FBXL16: variants seen among roughly 807,000 people sequenced by gnomAD.
The protein encoded by FBXL16 is F-box and leucine rich repeat protein 16, also known as F-box/LRR-repeat protein 16.
A neutral mutation model predicts 36.7 loss-of-function variants in FBXL16; 7 were observed. That is an observed-to-expected ratio of 0.19 (90% CI 0.11 to 0.36). FBXL16 has a LOEUF of 0.36. Among genes scored for constraint, FBXL16 ranks in the 10% least tolerant of loss-of-function variants. The pLI is 1.00. For synonymous variants in FBXL16, 355 were observed against 308.7 expected (o/e 1.15, Z -1.57); for missense variants, 463 against 659.4 (o/e 0.70, Z 3.26).
Position 694,481 on chromosome 16 carries a change from G to A in FBXL16, c.1292-58C>T, listed in dbSNP as rs1474272557. On this transcript the variant is annotated intron_variant, in intron 5 of 5. Coordinates refer to ENST00000397621, the MANE Select transcript of FBXL16 (RefSeq NM_153350.4). ...GCGGCCCAGGGCTCGGGCGGGGACG[G>A]CCGGGCCGCGCCTCCCTCCTCCTCC... 15 of 1,494,510 alleles carry A rather than the reference G, an allele frequency of 1.0e-5. No homozygotes were observed. In the East Asian group the frequency reaches 1.0e-4, roughly 10 times the overall value. The allele number at this position is 1,494,510 out of a possible 1,614,324, so 92.6% of individuals were successfully genotyped here. A position where few individuals can be genotyped will look rare whatever the true frequency, so the allele number is the denominator to read the frequency against.
In FBXL16 at chr16:695,410, C is replaced by A. The variant is rs745400257; in HGVS notation, c.1142+5G>T. On this transcript the variant is annotated splice_donor_5th_base_variant and intron_variant, in intron 3 of 5. Coordinates refer to ENST00000397621, the MANE Select transcript of FBXL16 (RefSeq NM_153350.4). ...CCCCGCCCGGCGCGGCCCGGGGGCGCGCACCTGTCGAGCACGAGCTCCTCT... is the reference window on the plus strand; with the variant it reads ...CCCCGCCCGGCGCGGCCCGGGGGCGAGCACCTGTCGAGCACGAGCTCCTCT... 5.2e-6 allele frequency: 8 copies of A among 1,526,968 alleles called. No individual in the cohort carries two copies. In the South Asian group the frequency reaches 9.6e-5, roughly 18 times the overall value. The allele number at this position is 1,526,968 out of a possible 1,614,324, so 94.6% of individuals were successfully genotyped here.
At chr16:703,262 C>T (rs761076586) in intron 1 of FBXL16, among the ~76,000 whole-genome samples, 5 of 152,168 alleles carry the variant, frequency 3.3e-5, no homozygotes, top group Non-Finnish European at 5.9e-5. Context: ...GGCTGCACAC[C>T]GCGTGCCCAC....
At position 692,887 on chromosome 16, in the gene FBXL16, A is replaced by C. The variant is rs1242160665; in HGVS notation, c.*1388T>G. On this transcript the variant is annotated 3_prime_UTR_variant, in exon 6 of 6. Transcript: ENST00000397621. ...GTTGATCTGTTTCTGATTCAACAGC[A>C]TCTCTCTCTCTCTTTCTCTCTCTCT... 6.6e-6 allele frequency: 1 copy of C among 152,046 alleles called. No homozygotes were observed. Among genetic ancestry groups the C allele is most frequent in the Non-Finnish European group, 1.5e-5 (1 of 67,940 alleles). 9.4% of individuals were successfully genotyped at this position (152,046 alleles called of 1,614,324 possible). A position where few individuals can be genotyped will look rare whatever the true frequency, so the allele number is the denominator to read the frequency against.
intron 2 of FBXL16, among the ~76,000 whole-genome samples, chr16:696,288 C>T (rs1479521818): frequency 6.6e-6 from 1 of 152,022 alleles, no homozygotes; most frequent in Non-Finnish European, 1.5e-5. Flanking sequence ...GAGCCTTACT[C>T]TGTTGCCCAG....
At chr16:694,740 C>G (rs377317985) in intron 4 of FBXL16, 43 bp from the exon 5 acceptor site, 7 of 1,560,780 alleles carry the variant, frequency 4.5e-6, no homozygotes, top group African/African-American at 1.4e-5. Flanking sequence ...CCGCTCGCAC[C>G]GAGGCGGAGG....
intron 3 of FBXL16, 85 bp downstream of exon 3, chr16:695,330 C>T (rs940567879): frequency 7.4e-6 from 8 of 1,082,964 alleles, no homozygotes; most frequent in East Asian, 7.4e-5. Context: ...AGCCCCCGCC[C>T]CCGGCCCCGT....
At chr16:704,731 C>T (rs529869703) in intron 1 of FBXL16, among the ~76,000 whole-genome samples, 32 of 152,334 alleles carry the variant, frequency 2.1e-4, no homozygotes, top group African/African-American at 7.5e-4. Flanking sequence ...AAGGAAGAGG[C>T]AGGTGAGGTG....
intron 1 of FBXL16, among the ~76,000 whole-genome samples, chr16:698,991 A>G (rs1270448518): frequency 6.6e-6 from 1 of 152,106 alleles, no homozygotes; most frequent in East Asian, 1.9e-4. Flanking sequence ...CCATGCAAAG[A>G]AAGGGCGGGC....
rs2039979099 is a variant in FBXL16, at chr16:692,576, T to C, written c.*1699A>G. 1 of 152,464 alleles carries C rather than the reference T, an allele frequency of 6.6e-6. No homozygotes were observed. The highest frequency in any genetic ancestry group is 6.5e-5 in the Admixed American group (1 of 15,282). The allele number at this position is 152,464 out of a possible 1,614,324, so 9.4% of individuals were successfully genotyped here. A position where few individuals can be genotyped will look rare whatever the true frequency, so the allele number is the denominator to read the frequency against. ...AATAGCACAAGAAACACTTACCAAA[T>C]ATAAGGTTATATCTTCCGCATATAC... On this transcript the variant is annotated 3_prime_UTR_variant, in exon 6 of 6. Coordinates refer to ENST00000397621, the MANE Select transcript of FBXL16 (RefSeq NM_153350.4).
At chr16:700,348 G>C (rs142658707) in intron 1 of FBXL16, among the ~76,000 whole-genome samples, 18 of 152,308 alleles carry the variant, frequency 1.2e-4, no homozygotes, top group Non-Finnish European at 2.1e-4. Context: ...GCCCTCCACA[G>C]AGGAGGCACC....
In FBXL16 at chr16:696,959, C is replaced by T; in HGVS notation, c.447G>A (p.Val149=). The change falls in exon 2 of 6, where the codon GTG becomes GTA. Residue 149 remains valine (V), a synonymous_variant. Coordinates refer to ENST00000397621, the MANE Select transcript of FBXL16 (RefSeq NM_153350.4). ...PVLHAKELYN[V]LPGGEKEFVN... ...CGAACTCCTTCTCGCCACCAGGCAG[C>T]ACGTTGTAGAGCTCCTTGGCATGCA... 6.2e-7 allele frequency: 1 copy of T among 1,602,228 alleles called. No homozygotes were observed. Among genetic ancestry groups the T allele is most frequent in the Non-Finnish European group, 8.5e-7 (1 of 1,175,636 alleles).
chr16:696,169 G>C (rs776859094), intron 2 of FBXL16: 1 of 482,884 alleles, frequency 2.1e-6, no homozygotes, highest in Non-Finnish European at 3.6e-6. Flanking sequence ...TACTCCTGGG[G>C]GATCCTTTCC....
At position 695,966 on chromosome 16, in the gene FBXL16, G is replaced by A. The variant is rs777513857; in HGVS notation, c.634-43C>T. Reference sequence around the variant, plus strand: ...CCGGGTCAGGATTGCAGGAGAAGGGGTGGAGCCCGCAGGGAGGAAGCAGTA... The same window carrying A: ...CCGGGTCAGGATTGCAGGAGAAGGGATGGAGCCCGCAGGGAGGAAGCAGTA... On this transcript the variant is annotated intron_variant, in intron 2 of 5. Transcript: ENST00000397621. 4 of 1,541,536 alleles carry A rather than the reference G, an allele frequency of 2.6e-6. No individual in the cohort carries two copies. The South Asian group carries it at 3.7e-5, about 14-fold the overall frequency.
In FBXL16 at chr16:695,672, G is replaced by A. The variant is rs765301732; in HGVS notation, c.885C>T (p.Ser295=). The part of the protein sequence containing the change: ...LAYFTARQGH[S]THTLRLLSCW... ...AGGAGAGCAGGCGCAGCGTGTGCGT[G>A]CTGTGGCCCTGGCGCGCCGTGAAGT... Residue 295 remains serine, a synonymous_variant, in exon 3 of 6, where the codon AGC becomes AGT. Coordinates refer to ENST00000397621, the MANE Select transcript of FBXL16 (RefSeq NM_153350.4). The A allele has an allele frequency of 2.2e-5, 35 of 1,606,226 alleles. No individual in the cohort carries two copies. In the South Asian group the frequency reaches 3.6e-4, roughly 17 times the overall value.
rs559686121 is a variant in FBXL16, at chr16:693,340, G to A, written c.*935C>T. ...GGAGACCCACCCAGGGTGAAGCTCG[G>A]TGCCCAGGCCTGAACTGAGCCCGGC... On this transcript the variant is annotated 3_prime_UTR_variant, in exon 6 of 6. Transcript: ENST00000397621. 1 of 152,554 alleles carries A rather than the reference G, an allele frequency of 6.6e-6. No individual in the cohort carries two copies. Among genetic ancestry groups the A allele is most frequent in the South Asian group, 2.1e-4 (1 of 4,836 alleles). The allele number at this position is 152,554 out of a possible 1,614,324, so 9.5% of individuals were successfully genotyped here.
At chr16:702,449 C>T (rs2040064479) in intron 1 of FBXL16, among the ~76,000 whole-genome samples, 1 of 152,250 alleles carries the variant, frequency 6.6e-6, no homozygotes, top group Non-Finnish European at 1.5e-5. Context: ...TGTCTCTCCT[C>T]CTGGCCTGAG....
At position 704,046 on chromosome 16, in the gene FBXL16, G is replaced by C. The variant is rs560939400; in HGVS notation, c.-15+1466C>G. The stretch of plus-strand genomic sequence containing the variant: ...CTGCACCACTGGTGGGGAAGGCTCA[G>C]TCACCTGCTCACCCACAGAGCTCCC... On this transcript the variant is annotated intron_variant, in intron 1 of 5. Transcript: ENST00000397621. 5.3e-5 allele frequency among the ~76,000 whole-genome samples: 8 copies of C among 152,368 alleles called. No homozygotes were observed. The East Asian group carries it at 1.4e-3, about 26-fold the overall frequency.
chr16:699,561 T>G (rs190349315), intron 1 of FBXL16, among the ~76,000 whole-genome samples: 1 of 152,298 alleles, frequency 6.6e-6, no homozygotes, highest in East Asian at 1.9e-4. Context: ...ACCTGCTCCC[T>G]TGGGGCATTG....
chr16:704,935 T>A (rs899401851), intron 1 of FBXL16, among the ~76,000 whole-genome samples: 1 of 152,080 alleles, frequency 6.6e-6, no homozygotes, highest in Non-Finnish European at 1.5e-5. Context: ...CCCGAGCAGG[T>A]CTGAAGGTGC....
Sources: allele counts gnomAD v4.1 joint callset (sites outside exome capture counted in the v4.1 genomes callset), GRCh38; gene constraint gnomAD v4.1.1; transcripts MANE v1.5; gene names NCBI Gene and HGNC (gene_info 2026-07-23, HGNC 2026-07-21).